Variants in MEF2A observed in about 807,000 individuals in gnomAD.
MEF2A encodes the protein myocyte enhancer factor 2A, also known as myocyte-specific enhancer factor 2A.
In MEF2A, 28 loss-of-function variants were observed where a neutral mutation model predicts 55.8. The observed-to-expected ratio is 0.50, with a 90% CI of 0.37 to 0.69. MEF2A has a LOEUF of 0.69. MEF2A is among the 30% of genes least tolerant of loss of function. The pLI is 0.00. For synonymous variants in MEF2A, 239 were observed against 227.1 expected (o/e 1.05, Z -0.47); for missense variants, 528 against 626.2 (o/e 0.84, Z 1.67).
chr15:99,632,553 A>G (rs1303431572), intron 2 of MEF2A, among the ~76,000 whole-genome samples: 1 of 152,186 alleles, frequency 6.6e-6, no homozygotes, highest in East Asian at 1.9e-4. Flanking sequence ...GCCCCTTACT[A>G]CGTGACCTTG....
chr15:99,673,062 A>G (rs1481214345), intron 5 of MEF2A, among the ~76,000 whole-genome samples: 1 of 152,162 alleles, frequency 6.6e-6, no homozygotes, highest in African/African-American at 2.4e-5. Flanking sequence ...GGCAGACTGG[A>G]ACGGTCCTTT....
At chr15:99,706,329 A>C (rs902704599) in intron 9 of MEF2A, among the ~76,000 whole-genome samples, 2 of 152,276 alleles carry the variant, frequency 1.3e-5, no homozygotes, top group African/African-American at 4.8e-5. Context: ...TCCTATACTC[A>C]TAGACGTACA....
intron 7 of MEF2A, among the ~76,000 whole-genome samples, chr15:99,687,774 A>G (rs1439739963): frequency 6.6e-6 from 1 of 152,044 alleles, no homozygotes; most frequent in South Asian, 2.1e-4. Context: ...ATTCATGCCT[A>G]TGTGATATGC....
intron 1 of MEF2A, among the ~76,000 whole-genome samples, chr15:99,568,197 T>C (rs1292774573): frequency 6.6e-6 from 1 of 152,110 alleles, no homozygotes; most frequent in African/African-American, 2.4e-5. Flanking sequence ...TTCTGGGGGG[T>C]GTTCAGTGGA....
intron 3 of MEF2A, among the ~76,000 whole-genome samples, chr15:99,641,292 G>C (rs1222468554): frequency 6.6e-6 from 1 of 152,180 alleles, no homozygotes; most frequent in Non-Finnish European, 1.5e-5. Context: ...CAGAGCTTTT[G>C]TACTGCCCAG....
At chr15:99,614,909 T>TA (rs1161694511) in intron 2 of MEF2A, among the ~76,000 whole-genome samples, 1 of 152,054 alleles carries the variant, frequency 6.6e-6, no homozygotes, top group Non-Finnish European at 1.5e-5. Context: ...AATGAGGAGT[T>TA]CCATGAGTAG....
chr15:99,615,757 G>A (rs1042737965), intron 2 of MEF2A, among the ~76,000 whole-genome samples: 5 of 152,046 alleles, frequency 3.3e-5, no homozygotes, highest in Admixed American at 6.6e-5. Flanking sequence ...AATGACTGAG[G>A]GACCATTTAT....
At chr15:99,598,873 A>G (rs192546676) in intron 2 of MEF2A, among the ~76,000 whole-genome samples, 1 of 152,272 alleles carries the variant, frequency 6.6e-6, no homozygotes, top group Non-Finnish European at 1.5e-5. Context: ...GTTGGGGGAC[A>G]TGAGTTACAT....
chr15:99,578,726 G>A (rs967750376), intron 1 of MEF2A, among the ~76,000 whole-genome samples: 1 of 152,174 alleles, frequency 6.6e-6, no homozygotes, highest in African/African-American at 2.4e-5. Flanking sequence ...CACTATGTAT[G>A]CATAATCATG....
chr15:99,586,107 G>A (rs190113803), intron 1 of MEF2A, among the ~76,000 whole-genome samples: 1 of 152,198 alleles, frequency 6.6e-6, no homozygotes, highest in Admixed American at 6.5e-5. Flanking sequence ...ACTTTTGGTA[G>A]TATTATGAAT....
At chr15:99,569,235 C>T (rs1477809465) in intron 1 of MEF2A, among the ~76,000 whole-genome samples, 1 of 152,136 alleles carries the variant, frequency 6.6e-6, no homozygotes, top group Admixed American at 6.5e-5. Context: ...AATGAGATAG[C>T]GAGTGTAAAA....
At chr15:99,605,687 G>A (rs1374269794) in intron 2 of MEF2A, among the ~76,000 whole-genome samples, 1 of 151,362 alleles carries the variant, frequency 6.6e-6, no homozygotes, top group African/African-American at 2.4e-5. Flanking sequence ...AAAAAAAAAG[G>A]GGCTGGGTGC....
At chr15:99,570,719 C>G (rs1295122514) in intron 1 of MEF2A, among the ~76,000 whole-genome samples, 1 of 152,018 alleles carries the variant, frequency 6.6e-6, no homozygotes, top group African/African-American at 2.4e-5. Context: ...CCTGTTTCAC[C>G]TCTCGTCCTC....
chr15:99,591,275 G>A (rs1179147419), intron 1 of MEF2A, among the ~76,000 whole-genome samples: 2 of 151,964 alleles, frequency 1.3e-5, no homozygotes, highest in Admixed American at 1.3e-4. Flanking sequence ...CCCTTTATCG[G>A]TGAAGAATAT....
At chr15:99,586,919 T>C (rs1967497484) in intron 1 of MEF2A, among the ~76,000 whole-genome samples, 1 of 152,232 alleles carries the variant, frequency 6.6e-6, no homozygotes, top group Non-Finnish European at 1.5e-5. Flanking sequence ...TTGACATCTT[T>C]GTTGAAGATC....
At chr15:99,672,069 A>C (rs893056424) in intron 5 of MEF2A, among the ~76,000 whole-genome samples, 2 of 152,216 alleles carry the variant, frequency 1.3e-5, no homozygotes, top group Non-Finnish European at 2.9e-5. Flanking sequence ...GTGTTCTTAA[A>C]TAGATCTTGA....
At position 99,643,631 on chromosome 15, in the gene MEF2A, G is replaced by T. The variant is rs574225270; in HGVS notation, c.55-1930G>T. 3.2e-4 allele frequency among the ~76,000 whole-genome samples: 46 copies of T among 145,352 alleles called. No individual in the cohort carries two copies. In the South Asian group the frequency reaches 0.01, roughly 32 times the overall value. On this transcript the variant is annotated intron_variant, in intron 3 of 11. Coordinates refer to ENST00000557942, the MANE Select transcript of MEF2A (RefSeq NM_001319206.4). The stretch of plus-strand genomic sequence containing the variant: ...TTTTGAGATGGAGTCTCGCTCTGTC[G>T]CCCAGGCTGGAGTGCAGTGGTGCGA...
intron 4 of MEF2A, among the ~76,000 whole-genome samples, chr15:99,653,085 T>C (rs935790936): frequency 6.6e-6 from 1 of 152,222 alleles, no homozygotes; most frequent in African/African-American, 2.4e-5. Flanking sequence ...TATTATAAGA[T>C]AAGATATTAT....
Position 99,578,748 on chromosome 15 carries a change from A to G in MEF2A, c.-225+12644A>G, listed in dbSNP as rs191193179. Among the ~76,000 whole-genome samples, 10 of 152,356 alleles carry G rather than the reference A, an allele frequency of 6.6e-5. No homozygotes were observed. The East Asian group carries it at 1.9e-3, about 29-fold the overall frequency. ...TATGCATAATCATGCAATGAAAGCC[A>G]CAGGGTTCGTGTGATCAATGAAGTT... On this transcript the variant is annotated intron_variant, in intron 1 of 11. Transcript: ENST00000557942.
Sources: allele counts gnomAD v4.1 joint callset (sites outside exome capture counted in the v4.1 genomes callset), GRCh38; gene constraint gnomAD v4.1.1; transcripts MANE v1.5; gene names NCBI Gene and HGNC (gene_info 2026-07-23, HGNC 2026-07-21).